Variants in EXT2 observed in about 807,000 individuals in gnomAD.
EXT2 encodes exostosin-2.
In EXT2, 53 loss-of-function variants were observed where a neutral mutation model predicts 81.6. That is an observed-to-expected ratio of 0.65 (90% CI 0.52 to 0.82). The LOEUF (loss-of-function observed/expected upper bound fraction) is 0.82. Among genes scored for constraint, EXT2 ranks in the 40% least tolerant of loss-of-function variants. The pLI is 0.00. For missense variants in EXT2, 774 were observed against 910.2 expected (o/e 0.85, Z 1.93); for synonymous variants, 320 against 340.0 (o/e 0.94, Z 0.65).
chr11:44,185,407 A>G (rs2135157625), intron 8 of EXT2, among the ~76,000 whole-genome samples: 1 of 152,322 alleles, frequency 6.6e-6, no homozygotes, highest in South Asian at 2.1e-4. Flanking sequence ...TATGTTTTAT[A>G]GCAAGAGGAT....
At chr11:44,205,747 C>T (rs1955575009) in intron 9 of EXT2, among the ~76,000 whole-genome samples, 1 of 152,114 alleles carries the variant, frequency 6.6e-6, no homozygotes, top group Non-Finnish European at 1.5e-5. Flanking sequence ...TTGGAGTGGC[C>T]AGGAGCGCTT....
chr11:44,103,645 G>A, intron 1 of EXT2: 1 of 439,662 alleles, frequency 2.3e-6, no homozygotes, highest in Non-Finnish European at 4.6e-6. Flanking sequence ...AATTTTCTGG[G>A]CCTGGAATTT....
chr11:44,234,336 G>A (rs1430259181), intron 12 of EXT2, 93 bp downstream of exon 12: 18 of 1,257,718 alleles, frequency 1.4e-5, no homozygotes, highest in Non-Finnish European at 2.0e-5. Context: ...ATTAAATATA[G>A]GACTAGATAA....
intron 7 of EXT2, among the ~76,000 whole-genome samples, chr11:44,156,047 C>T (rs1403935980): frequency 6.6e-6 from 1 of 152,178 alleles, no homozygotes; most frequent in Non-Finnish European, 1.5e-5. Context: ...TATGTCATGT[C>T]ACTTTCTTCT....
intron 7 of EXT2, among the ~76,000 whole-genome samples, chr11:44,162,490 C>T (rs936710718): frequency 6.6e-6 from 1 of 150,548 alleles, no homozygotes; most frequent in Non-Finnish European, 1.5e-5. Flanking sequence ...GTAGGAGAAT[C>T]GCTTGAACCC....
Position 44,206,855 on chromosome 11 carries a change from A to C in EXT2, c.1558A>C (p.Ser520Arg). 6.2e-7 allele frequency: 1 copy of C among 1,614,158 alleles called. No homozygotes were observed. The highest frequency in any genetic ancestry group is 1.3e-5 in the African/African-American group (1 of 75,056). ...TGTGAGGACTGCTGAAAACAAGTTAAGTAACCGTTTCTTCCCTTATGATGA... is the reference window on the plus strand; with the variant it reads ...TGTGAGGACTGCTGAAAACAAGTTACGTAACCGTTTCTTCCCTTATGATGA... ...KVVRTAENKL[S>R]NRFFPYDEIE... The change falls in exon 10 of 14, where the codon AGT becomes CGT. Residue 520 changes from serine (S) to arginine (R), a missense_variant. Physicochemically the swap from Ser to Arg is moderately radical, Grantham distance 110. Around this residue, in one of 2 missense-constraint regions of EXT2, gnomAD observed 626 missense variants for 670.5 expected, o/e 0.93. Transcript: ENST00000533608.
chr11:44,139,332 C>A (rs1954614448), intron 7 of EXT2, among the ~76,000 whole-genome samples: 1 of 151,358 alleles, frequency 6.6e-6, no homozygotes, highest in Non-Finnish European at 1.5e-5. Context: ...TAATTTTATC[C>A]ATTTTTTTAA....
chr11:44,236,159 G>A, intron 12 of EXT2, 134 bp from the exon 13 acceptor site: 1 of 368,512 alleles, frequency 2.7e-6, no homozygotes, highest in East Asian at 6.9e-5. Context: ...GAATGGCGAG[G>A]TGTGTGTGTG....
chr11:44,109,163 T>G, intron 2 of EXT2, 31 bp from the exon 3 acceptor site: 1 of 1,609,528 alleles, frequency 6.2e-7, no homozygotes, highest in South Asian at 1.1e-5. Flanking sequence ...GTTGACACAT[T>G]AATTCTCCTA....
chr11:44,165,108 G>C (rs1954977596), intron 7 of EXT2, among the ~76,000 whole-genome samples: 1 of 152,014 alleles, frequency 6.6e-6, no homozygotes, highest in Non-Finnish European at 1.5e-5. Context: ...TCGATCTCCT[G>C]ACCTCGTGAT....
chr11:44,233,206 G>A (rs1041765359), intron 11 of EXT2, among the ~76,000 whole-genome samples: 1 of 152,074 alleles, frequency 6.6e-6, no homozygotes, highest in Non-Finnish European at 1.5e-5. Flanking sequence ...ATGTATACGT[G>A]TGTGTGTGTC....
intron 7 of EXT2, among the ~76,000 whole-genome samples, chr11:44,159,399 G>C (rs1009368235): frequency 1.3e-5 from 2 of 151,672 alleles, no homozygotes; most frequent in African/African-American, 4.8e-5. Context: ...ATATCCTCAA[G>C]TTCAGAGATT....
chr11:44,227,690 AAAG>A (rs1178249034), intron 10 of EXT2, among the ~76,000 whole-genome samples: 15 of 152,334 alleles, frequency 9.8e-5, no homozygotes, highest in East Asian at 9.6e-4. Flanking sequence ...GAGGCTCAAG[AAAG>A]AAGAACTTGG....
At chr11:44,183,842 C>T (rs907071595) in intron 8 of EXT2, among the ~76,000 whole-genome samples, 1 of 151,988 alleles carries the variant, frequency 6.6e-6, no homozygotes, top group Non-Finnish European at 1.5e-5. Flanking sequence ...ATTTTTAATT[C>T]CTTCTTTTAT....
In EXT2 at chr11:44,249,372, A is replaced by C. The variant is rs1307920613; in HGVS notation, c.*5085A>C. Among the ~76,000 whole-genome samples, 1 of 152,168 alleles carries C rather than the reference A, an allele frequency of 6.6e-6. No homozygotes were observed. The highest frequency in any genetic ancestry group is 1.5e-5 in the Non-Finnish European group (1 of 68,026). ...GTTGCATCTCTTCCCACTCTCCCTGAAAGGCACAGAACTATCAGACAGAAG... is the reference window on the plus strand; with the variant it reads ...GTTGCATCTCTTCCCACTCTCCCTGCAAGGCACAGAACTATCAGACAGAAG... On this transcript the variant is annotated 3_prime_UTR_variant, in exon 14 of 14. Transcript: ENST00000533608.
At chr11:44,238,365 A>G (rs1228373122) in intron 13 of EXT2, among the ~76,000 whole-genome samples, 1 of 152,094 alleles carries the variant, frequency 6.6e-6, no homozygotes, top group Non-Finnish European at 1.5e-5. Flanking sequence ...AATTTTTTGT[A>G]GAGACAGAGT....
At chr11:44,175,379 T>C (rs534352543) in intron 8 of EXT2, among the ~76,000 whole-genome samples, 1 of 152,218 alleles carries the variant, frequency 6.6e-6, no homozygotes, top group African/African-American at 2.4e-5. Flanking sequence ...TTTTTTTCTT[T>C]TTTTTCTTTT....
At chr11:44,172,378 G>A (rs1955088636) in intron 8 of EXT2, among the ~76,000 whole-genome samples, 1 of 152,122 alleles carries the variant, frequency 6.6e-6, no homozygotes, top group Non-Finnish European at 1.5e-5. Context: ...GTGGCTTCTA[G>A]GCACAGCTTC....
At chr11:44,100,653 G>T (rs761444746) in intron 1 of EXT2, among the ~76,000 whole-genome samples, 3 of 152,134 alleles carry the variant, frequency 2.0e-5, no homozygotes, top group Non-Finnish European at 4.4e-5. Flanking sequence ...CTCTATGGCC[G>T]CATCTCCTGC....
Sources: gnomAD v4.1 joint callset for allele counts (sites outside exome capture counted in the v4.1 genomes callset) on GRCh38, gnomAD v4.1.1 for gene constraint, gnomAD v4.1.1 regional missense constraint, MANE v1.5 for transcripts, NCBI Gene and HGNC (gene_info 2026-07-23, HGNC 2026-07-21) for gene names.